DPF3: variants seen among roughly 807,000 people sequenced by gnomAD.
DPF3 encodes the protein double PHD fingers 3, also known as zinc finger protein DPF3.
DPF3 carries 18 observed loss-of-function variants against 56.8 expected under a neutral mutation model. That is an observed-to-expected ratio of 0.32 (90% CI 0.22 to 0.47). The LOEUF is 0.47. Among genes scored for constraint, DPF3 ranks in the 20% least tolerant of loss-of-function variants. The pLI is 1.00. For missense variants in DPF3, 403 were observed against 488.8 expected (o/e 0.82, Z 1.65); for synonymous variants, 188 against 180.2 (o/e 1.04, Z -0.35).
At chr14:72,774,767 C>T (rs1430343776) in intron 1 of DPF3, among the ~76,000 whole-genome samples, 1 of 152,118 alleles carries the variant, frequency 6.6e-6, no homozygotes, top group East Asian at 1.9e-4. Flanking sequence ...GTAATAGTCA[C>T]GCAGCTGGAA....
chr14:72,695,442 C>G (rs1218640822), intron 6 of DPF3, among the ~76,000 whole-genome samples: 1 of 152,160 alleles, frequency 6.6e-6, no homozygotes, highest in African/African-American at 2.4e-5. Context: ...AGATGAGAGT[C>G]TGAAATTCAA....
intron 1 of DPF3, among the ~76,000 whole-genome samples, chr14:72,863,522 A>G (rs555751169): frequency 7.0e-6 from 1 of 143,874 alleles, no homozygotes; most frequent in South Asian, 2.3e-4. Flanking sequence ...TAATTTCATG[A>G]CCCTCTTGCT....
At chr14:72,620,118 C>A in intron 9 of DPF3, 134 bp from the exon 10 acceptor site, 1 of 821,062 alleles carries the variant, frequency 1.2e-6, no homozygotes. Context: ...CACTTGGAGT[C>A]CTCACTGTCC....
At chr14:72,871,872 C>A (rs970016167) in intron 1 of DPF3, among the ~76,000 whole-genome samples, 1 of 152,190 alleles carries the variant, frequency 6.6e-6, no homozygotes, top group Non-Finnish European at 1.5e-5. Context: ...CTAGGCAGTG[C>A]CCCAGTAGGG....
intron 8 of DPF3, chr14:72,662,540 A>G (rs1599335390): frequency 1.0e-6 from 1 of 985,216 alleles, no homozygotes; most frequent in East Asian, 1.1e-4. Context: ...GTACTTTCTC[A>G]CAGACAATCA....
chr14:72,697,641 A>G (rs1254149728), intron 6 of DPF3, among the ~76,000 whole-genome samples: 1 of 152,222 alleles, frequency 6.6e-6, no homozygotes, highest in Non-Finnish European at 1.5e-5. Flanking sequence ...TTCTATCCTG[A>G]GGACCAAGTT....
chr14:72,757,562 C>A (rs1285320919), intron 2 of DPF3, among the ~76,000 whole-genome samples: 1 of 152,022 alleles, frequency 6.6e-6, no homozygotes, highest in Non-Finnish European at 1.5e-5. Context: ...TTAGTGACTA[C>A]CCCTGCTCAG....
intron 2 of DPF3, among the ~76,000 whole-genome samples, chr14:72,763,648 T>C (rs1841176045): frequency 6.6e-6 from 1 of 151,774 alleles, no homozygotes; most frequent in African/African-American, 2.4e-5. Context: ...GAAAAAAAAA[T>C]AAGAGAAACC....
intron 1 of DPF3, among the ~76,000 whole-genome samples, chr14:72,788,643 C>G (rs1054300333): frequency 6.6e-6 from 1 of 152,124 alleles, no homozygotes; most frequent in African/African-American, 2.4e-5. Flanking sequence ...TGCCCTCCCC[C>G]TCTGCCCTCC....
At chr14:72,714,969 A>G (rs1039660281) in intron 5 of DPF3, among the ~76,000 whole-genome samples, 2 of 152,218 alleles carry the variant, frequency 1.3e-5, no homozygotes, top group African/African-American at 2.4e-5. Flanking sequence ...TGATGCACGT[A>G]TCAGGAGCAA....
At chr14:72,657,683 G>A (rs1886095585) in intron 8 of DPF3, among the ~76,000 whole-genome samples, 1 of 152,008 alleles carries the variant, frequency 6.6e-6, no homozygotes, top group South Asian at 2.1e-4. Flanking sequence ...CTAAATTAGG[G>A]ATCAGCAAAC....
intron 8 of DPF3, among the ~76,000 whole-genome samples, chr14:72,640,082 G>GAAAAAAAAAAAAAAAAAAA (rs1885509419): frequency 1.1e-4 from 7 of 61,090 alleles, no homozygotes; most frequent in Non-Finnish European, 2.2e-4. Flanking sequence ...AAAAAAAAAT[G>GAAAAAAAAAAAAAAAAAAA]GAAACAGCAT....
At chr14:72,838,663 A>G (rs1413290917) in intron 1 of DPF3, among the ~76,000 whole-genome samples, 1 of 151,978 alleles carries the variant, frequency 6.6e-6, no homozygotes, top group Non-Finnish European at 1.5e-5. Flanking sequence ...AGGCTGAGGC[A>G]GGAGAATCGC....
At chr14:72,648,570 A>AAG (rs1885797377) in intron 8 of DPF3, among the ~76,000 whole-genome samples, 1 of 84,354 alleles carries the variant, frequency 1.2e-5, no homozygotes, top group Non-Finnish European at 2.4e-5. Flanking sequence ...CTCAAAAAAG[A>AAG]AAAAAAAAAA....
At chr14:72,757,841 A>G (rs946256536) in intron 2 of DPF3, among the ~76,000 whole-genome samples, 2 of 152,162 alleles carry the variant, frequency 1.3e-5, no homozygotes, top group East Asian at 3.8e-4. Context: ...ATACTAAAGG[A>G]TGGCTGTTAT....
intron 1 of DPF3, among the ~76,000 whole-genome samples, chr14:72,893,728 CGCGCCGT>C (rs79899559): frequency 0.095 from 14,496 of 152,022 alleles, 747 homozygotes; most frequent in East Asian, 0.15. Flanking sequence ...CTCCGGGGAC[CGCGCCGT>C]CCCCGAGCTC....
At chr14:72,625,115 C>T (rs895005274) in intron 9 of DPF3, among the ~76,000 whole-genome samples, 1 of 152,090 alleles carries the variant, frequency 6.6e-6, no homozygotes. Context: ...TATCCTACTT[C>T]TCATCATACT....
chr14:72,620,416 T>C (rs1884358864), intron 9 of DPF3, among the ~76,000 whole-genome samples: 1 of 152,232 alleles, frequency 6.6e-6, no homozygotes, highest in African/African-American at 2.4e-5. Context: ...ATCTGTGAAA[T>C]GGCCAACAGC....
chr14:72,711,442 G>A (rs1305480041), intron 6 of DPF3, among the ~76,000 whole-genome samples: 1 of 152,184 alleles, frequency 6.6e-6, no homozygotes, highest in African/African-American at 2.4e-5. Context: ...CACCTGGAGA[G>A]GCATCGACAC....
Sources: gnomAD v4.1 joint callset for allele counts (sites outside exome capture counted in the v4.1 genomes callset) on GRCh38, gnomAD v4.1.1 for gene constraint, MANE v1.5 for transcripts, NCBI Gene and HGNC (gene_info 2026-07-23, HGNC 2026-07-21) for gene names.